FBXL7: variants seen among roughly 807,000 people sequenced by gnomAD.
FBXL7 encodes F-box and leucine rich repeat protein 7, also known as F-box/LRR-repeat protein 7.
In FBXL7, 12 loss-of-function variants were observed where a neutral mutation model predicts 38.3. That is an observed-to-expected ratio of 0.31 (90% confidence interval 0.20 to 0.51). FBXL7 has a LOEUF of 0.51. Among genes scored for constraint, FBXL7 ranks in the 20% least tolerant of loss-of-function variants. FBXL7 has a pLI of 0.98. For missense variants in FBXL7, 567 were observed against 676.4 expected (o/e 0.84, Z 1.79); for synonymous variants, 297 against 300.9 (o/e 0.99, Z 0.13).
chr5:15,801,321 C>T (rs1398793955), intron 2 of FBXL7, among the ~76,000 whole-genome samples: 1 of 152,122 alleles, frequency 6.6e-6, no homozygotes, highest in African/African-American at 2.4e-5. Flanking sequence ...ACAATGGTAA[C>T]TTACAGGTTA....
chr5:15,863,803 T>C lies in FBXL7; in HGVS notation c.128-64087T>C, dbSNP rs186923616. ...AACCTGGTACCTCCTCACTCTCTCATGCTTCCTCTCTTTGTATGCTCTCTG... is the reference window on the plus strand; with the variant it reads ...AACCTGGTACCTCCTCACTCTCTCACGCTTCCTCTCTTTGTATGCTCTCTG... On this transcript the variant is annotated intron_variant, in intron 2 of 3. Transcript: ENST00000504595. Among the ~76,000 whole-genome samples the C allele has an allele frequency of 3.0e-4, 45 of 152,332 alleles. No individual in the cohort carries two copies. The East Asian group carries it at 3.9e-3, about 13-fold the overall frequency.
At position 15,937,250 on chromosome 5, in the gene FBXL7, C is replaced by T; in HGVS notation, c.*64C>T. ...TGAACAAAGCAAATTTTTTTAAAAG[C>T]AGCGTATGTAAGCACCGACACCCAC... On this transcript the variant is annotated 3_prime_UTR_variant, in exon 4 of 4. Coordinates refer to ENST00000504595, the MANE Select transcript of FBXL7 (RefSeq NM_012304.5). The T allele has an allele frequency of 6.9e-7, 1 of 1,459,314 alleles. No homozygotes were observed. Among genetic ancestry groups the T allele is most frequent in the African/African-American group, 1.4e-5 (1 of 70,948 alleles). The allele number at this position is 1,459,314 out of a possible 1,614,324, so 90.4% of individuals were successfully genotyped here.
At chr5:15,924,618 G>T (rs917218663) in intron 2 of FBXL7, among the ~76,000 whole-genome samples, 8 of 150,344 alleles carry the variant, frequency 5.3e-5, no homozygotes, top group Non-Finnish European at 1.0e-4. Flanking sequence ...CTGCTTCACG[G>T]GTCTCTCATT....
At chr5:15,576,273 G>A (rs890868989) in intron 1 of FBXL7, among the ~76,000 whole-genome samples, 10 of 151,484 alleles carry the variant, frequency 6.6e-5, no homozygotes, top group Non-Finnish European at 8.8e-5. Context: ...TAGTAGAGGC[G>A]GGGTTTCTCC....
intron 2 of FBXL7, among the ~76,000 whole-genome samples, chr5:15,794,146 A>G (rs576528830): frequency 2.4e-4 from 37 of 152,332 alleles, no homozygotes; most frequent in Admixed American, 7.2e-4. Context: ...CTCTTCTCCT[A>G]TGGAGTGTAA....
intron 2 of FBXL7, among the ~76,000 whole-genome samples, chr5:15,764,573 G>C (rs976902509): frequency 1.3e-5 from 2 of 152,188 alleles, no homozygotes; most frequent in African/African-American, 4.8e-5. Context: ...GAAACTCCGA[G>C]GGGGGCTTAA....
At chr5:15,822,184 C>G (rs1375235549) in intron 2 of FBXL7, among the ~76,000 whole-genome samples, 5 of 134,138 alleles carry the variant, frequency 3.7e-5, no homozygotes, top group Non-Finnish European at 8.1e-5. Flanking sequence ...AAGCCCATCT[C>G]TACTAAAAAT....
chr5:15,701,089 T>G lies in FBXL7; in HGVS notation c.127+85017T>G, dbSNP rs550797568. On this transcript the variant is annotated intron_variant, in intron 2 of 3. Transcript: ENST00000504595. ...TGTAATTCAATGCAGAGGACATTTGTGAATTTTTTGAGTCAGGTTGGAGAC... is the reference window on the plus strand; with the variant it reads ...TGTAATTCAATGCAGAGGACATTTGGGAATTTTTTGAGTCAGGTTGGAGAC... 3.3e-5 allele frequency among the ~76,000 whole-genome samples: 5 copies of G among 152,298 alleles called. No individual in the cohort carries two copies. The East Asian group carries it at 9.7e-4, about 29-fold the overall frequency.
chr5:15,638,316 G>A (rs1424435931), intron 2 of FBXL7, among the ~76,000 whole-genome samples: 5 of 152,138 alleles, frequency 3.3e-5, no homozygotes, highest in Non-Finnish European at 5.9e-5. Context: ...TGTGTGTGAG[G>A]AAGGCTCAGA....
chr5:15,702,775 TTGTG>T (rs556899060), intron 2 of FBXL7, among the ~76,000 whole-genome samples: 384 of 152,232 alleles, frequency 2.5e-3, no homozygotes, highest in Middle Eastern at 0.02. Flanking sequence ...CAAACAGGCT[TTGTG>T]TGAGCAATAA....
At chr5:15,852,878 G>T (rs1190801288) in intron 2 of FBXL7, among the ~76,000 whole-genome samples, 1 of 152,162 alleles carries the variant, frequency 6.6e-6, no homozygotes, top group Non-Finnish European at 1.5e-5. Context: ...TCTGTGAGGG[G>T]CAATGGTTAT....
intron 2 of FBXL7, among the ~76,000 whole-genome samples, chr5:15,870,322 G>A (rs752543609): frequency 3.3e-5 from 5 of 152,062 alleles, no homozygotes; most frequent in African/African-American, 4.8e-5. Context: ...TTGGTGAGGT[G>A]GCACAGACAA....
At chr5:15,804,269 A>C (rs1355693010) in intron 2 of FBXL7, among the ~76,000 whole-genome samples, 2 of 151,948 alleles carry the variant, frequency 1.3e-5, no homozygotes, top group African/African-American at 4.8e-5. Context: ...GGAGTTTGAG[A>C]CCAGCCTGGA....
intron 2 of FBXL7, among the ~76,000 whole-genome samples, chr5:15,723,184 A>G (rs1384560694): frequency 6.6e-6 from 1 of 152,162 alleles, no homozygotes; most frequent in Non-Finnish European, 1.5e-5. Flanking sequence ...TAGGGTGAAT[A>G]TTAGATAATA....
At chr5:15,813,354 G>A (rs1012616254) in intron 2 of FBXL7, among the ~76,000 whole-genome samples, 1 of 152,246 alleles carries the variant, frequency 6.6e-6, no homozygotes, top group East Asian at 1.9e-4. Context: ...AAACGATATT[G>A]GGAAAACTGA....
intron 2 of FBXL7, among the ~76,000 whole-genome samples, chr5:15,768,455 T>C (rs1434013626): frequency 6.6e-6 from 1 of 151,078 alleles, no homozygotes; most frequent in Non-Finnish European, 1.5e-5. Context: ...CGCTTGAATC[T>C]GAAAGGTGGA....
chr5:15,776,325 C>T (rs1736857641), intron 2 of FBXL7, among the ~76,000 whole-genome samples: 1 of 152,028 alleles, frequency 6.6e-6, no homozygotes, highest in Non-Finnish European at 1.5e-5. Context: ...TCAGGGCACA[C>T]CTCCATTTTA....
At chr5:15,883,384 A>G (rs1045067208) in intron 2 of FBXL7, among the ~76,000 whole-genome samples, 1 of 152,176 alleles carries the variant, frequency 6.6e-6, no homozygotes, top group Non-Finnish European at 1.5e-5. Flanking sequence ...AAAATAGACT[A>G]TGAGATACTC....
At chr5:15,538,629 A>AT (rs1418316307) in intron 1 of FBXL7, among the ~76,000 whole-genome samples, 1 of 152,210 alleles carries the variant, frequency 6.6e-6, no homozygotes, top group African/African-American at 2.4e-5. Context: ...CAGAATATTA[A>AT]TGGCAAATGT....
Sources: allele counts gnomAD v4.1 joint callset (sites outside exome capture counted in the v4.1 genomes callset), GRCh38; gene constraint gnomAD v4.1.1; transcripts MANE v1.5; gene names NCBI Gene and HGNC (gene_info 2026-07-23, HGNC 2026-07-21).